Variants in DAB2IP observed in about 807,000 individuals in gnomAD.
The protein encoded by DAB2IP is DAB2 interacting protein.
Under a neutral mutation model 107.2 loss-of-function variants are expected in DAB2IP, and 28 were observed. The observed-to-expected ratio is 0.26, with a 90% confidence interval of 0.19 to 0.36. The LOEUF is 0.36. DAB2IP is among the 10% of genes least tolerant of loss of function. The pLI is 1.00. For synonymous variants in DAB2IP, 755 were observed against 706.4 expected (o/e 1.07, Z -1.09); for missense variants, 1,400 against 1,644.7 (o/e 0.85, Z 2.57).
intron 2 of DAB2IP, among the ~76,000 whole-genome samples, chr9:121,695,237 C>T (rs1287946230): frequency 6.6e-6 from 1 of 152,184 alleles, no homozygotes. Flanking sequence ...TGTCCCTGTC[C>T]CCCTGCCGGG....
chr9:121,608,500 T>G (rs1263893690), intron 1 of DAB2IP, among the ~76,000 whole-genome samples: 1 of 152,018 alleles, frequency 6.6e-6, no homozygotes, highest in East Asian at 1.9e-4. Flanking sequence ...ATGATGGGCT[T>G]GGGGAGCAGC....
chr9:121,624,480 A>T (rs1489464866), intron 1 of DAB2IP, among the ~76,000 whole-genome samples: 1 of 152,248 alleles, frequency 6.6e-6, no homozygotes, highest in Non-Finnish European at 1.5e-5. Flanking sequence ...GGAGGTAAAA[A>T]TACAGTCATG....
chr9:121,656,771 A>T (rs1832988407), intron 1 of DAB2IP, among the ~76,000 whole-genome samples: 1 of 152,200 alleles, frequency 6.6e-6, no homozygotes, highest in Admixed American at 6.5e-5. Flanking sequence ...ATGGATACTG[A>T]TACTATCCTC....
chr9:121,742,518 A>T (rs1016310824), intron 3 of DAB2IP, among the ~76,000 whole-genome samples: 5 of 152,236 alleles, frequency 3.3e-5, no homozygotes, highest in Non-Finnish European at 7.3e-5. Context: ...GGTGCCGTAG[A>T]CCAGGTGCTG....
chr9:121,642,016 TCTCTC>T (rs1564128750), intron 1 of DAB2IP, among the ~76,000 whole-genome samples: 8 of 29,430 alleles, frequency 2.7e-4, no homozygotes, highest in African/African-American at 1.0e-3. Flanking sequence ...TCTCTCTCTC[TCTCTC>T]TCTCTCTCTC....
At chr9:121,570,941 T>C (rs551165326) in intron 1 of DAB2IP, among the ~76,000 whole-genome samples, 1 of 152,018 alleles carries the variant, frequency 6.6e-6, no homozygotes, top group Admixed American at 6.5e-5. Context: ...GCCCACAGGG[T>C]CCCTTCGCCA....
exon 16 of DAB2IP, chr9:121,783,089 T>C (rs1009643531): frequency 9.5e-7 from 1 of 1,047,884 alleles, no homozygotes; most frequent in African/African-American, 1.7e-5. Context: ...TGCAGCCTGT[T>C]GGGACCTTCC....
At chr9:121,774,449 G>T (rs768512257) in intron 13 of DAB2IP, 37 bp downstream of exon 13, 1 of 1,552,292 alleles carries the variant, frequency 6.4e-7, no homozygotes, top group South Asian at 1.2e-5. Context: ...ACAGGGCGGG[G>T]CTGCCTCCCG....
chr9:121,577,305 G>A (rs922982702), intron 1 of DAB2IP, among the ~76,000 whole-genome samples: 1 of 152,224 alleles, frequency 6.6e-6, no homozygotes, highest in African/African-American at 2.4e-5. Context: ...TGGAGTGGGG[G>A]TGGATTTCTG....
chr9:121,729,797 A>G (rs1038220590), intron 3 of DAB2IP, among the ~76,000 whole-genome samples: 3 of 152,184 alleles, frequency 2.0e-5, no homozygotes, highest in Admixed American at 6.5e-5. Context: ...CATTTACCTT[A>G]AACATTCACC....
chr9:121,656,273 G>A (rs1268204975), intron 1 of DAB2IP, among the ~76,000 whole-genome samples: 1 of 151,990 alleles, frequency 6.6e-6, no homozygotes, highest in Non-Finnish European at 1.5e-5. Context: ...CTCCCAAAGT[G>A]CTGGGATTAC....
chr9:121,574,219 C>G (rs1830008712), intron 1 of DAB2IP, among the ~76,000 whole-genome samples: 1 of 152,142 alleles, frequency 6.6e-6, no homozygotes, highest in Non-Finnish European at 1.5e-5. Flanking sequence ...GCTTCCCCTG[C>G]TTAGGCCTGC....
intron 3 of DAB2IP, among the ~76,000 whole-genome samples, chr9:121,744,442 G>A (rs1217594222): frequency 6.6e-6 from 1 of 152,228 alleles, no homozygotes; most frequent in Non-Finnish European, 1.5e-5. Context: ...GCTTGTTACA[G>A]CCAAGTCTCA....
At chr9:121,605,962 A>G (rs2118963909) in intron 1 of DAB2IP, among the ~76,000 whole-genome samples, 1 of 152,350 alleles carries the variant, frequency 6.6e-6, no homozygotes, top group East Asian at 1.9e-4. Context: ...TTGTGGCCAG[A>G]AAGTCCACAG....
At chr9:121,717,831 G>A (rs1830692688) in intron 3 of DAB2IP, among the ~76,000 whole-genome samples, 1 of 152,158 alleles carries the variant, frequency 6.6e-6, no homozygotes, top group African/African-American at 2.4e-5. Context: ...GGGGAGGGCA[G>A]GTACCACACA....
chr9:121,643,174 G>A (rs1251391238), intron 1 of DAB2IP, among the ~76,000 whole-genome samples: 1 of 152,058 alleles, frequency 6.6e-6, no homozygotes, highest in Non-Finnish European at 1.5e-5. Context: ...CAGGGATGCT[G>A]GGAGTGGGGC....
chr9:121,695,993 C>T (rs371683618), intron 2 of DAB2IP, among the ~76,000 whole-genome samples: 4 of 152,106 alleles, frequency 2.6e-5, no homozygotes, highest in African/African-American at 4.8e-5. Context: ...CTCAGCCTCC[C>T]GAGTAGCTGG....
intron 1 of DAB2IP, among the ~76,000 whole-genome samples, chr9:121,568,622 G>A (rs962469388): frequency 1.6e-4 from 24 of 152,318 alleles, no homozygotes; most frequent in Admixed American, 1.3e-3. Flanking sequence ...GGGGAGGCCA[G>A]GGGCAGACAG....
At chr9:121,707,962 T>C (rs1013554350) in intron 3 of DAB2IP, among the ~76,000 whole-genome samples, 4 of 152,122 alleles carry the variant, frequency 2.6e-5, no homozygotes, top group African/African-American at 9.7e-5. Flanking sequence ...AAATCCCTAC[T>C]CTTGTACTAG....
Sources: allele counts gnomAD v4.1 joint callset (sites outside exome capture counted in the v4.1 genomes callset), GRCh38; gene constraint gnomAD v4.1.1; transcripts MANE v1.5; gene names NCBI Gene and HGNC (gene_info 2026-07-23, HGNC 2026-07-21).